Variants in AKT3 observed in about 807,000 individuals in gnomAD.
AKT3 encodes AKT serine/threonine kinase 3.
A neutral mutation model predicts 65.3 loss-of-function variants in AKT3; 15 were observed. The ratio of observed to expected loss-of-function variants is 0.23; its 90% confidence interval spans 0.15 to 0.35. The LOEUF (loss-of-function observed/expected upper bound fraction) is 0.35, where lower values mean the gene tolerates loss of function less well. AKT3 is among the 10% of genes least tolerant of loss of function. The probability of loss-of-function intolerance (pLI) is 1.00; values close to 1 mark genes in which losing one functional copy is unlikely to be tolerated. For synonymous variants in AKT3, 206 were observed against 183.8 expected, an observed-to-expected ratio of 1.12 and a Z score of -0.98; for missense variants, 243 against 576.5, an observed-to-expected ratio of 0.42 and a Z score of 5.92.
At chr1:243,557,339 G>C (rs957741647) in intron 10 of AKT3, among the ~76,000 whole-genome samples, 3 of 152,036 alleles carry the variant, frequency 2.0e-5, no homozygotes, top group African/African-American at 7.2e-5. Flanking sequence ...TCATGGTACA[G>C]AGAATTTAAA....
intron 2 of AKT3, among the ~76,000 whole-genome samples, chr1:243,792,515 A>G (rs1466197056): frequency 4.6e-5 from 7 of 152,182 alleles, no homozygotes. Context: ...CCTGGGGGTC[A>G]GAGGATTCCT....
chr1:243,781,400 C>T (rs1690907603), intron 2 of AKT3, among the ~76,000 whole-genome samples: 1 of 152,094 alleles, frequency 6.6e-6, no homozygotes, highest in African/African-American at 2.4e-5. Flanking sequence ...ACATTTTCCT[C>T]CTCTTTTTAT....
chr1:243,694,203 A>G (rs1392029010), intron 3 of AKT3, among the ~76,000 whole-genome samples: 2 of 152,190 alleles, frequency 1.3e-5, no homozygotes, highest in Non-Finnish European at 2.9e-5. Context: ...TGGATAAACT[A>G]AAAAGCTACA....
intron 2 of AKT3, among the ~76,000 whole-genome samples, chr1:243,715,232 C>T (rs1275538041): frequency 6.6e-6 from 1 of 151,996 alleles, no homozygotes; most frequent in African/African-American, 2.4e-5. Context: ...CCAGAAAGTA[C>T]CACTAATAAT....
rs1669105819 is a variant in AKT3, at chr1:243,500,053, G to T, written c.*5196C>A. 2.1e-6 allele frequency: 1 copy of T among 476,528 alleles called. No homozygotes were observed. The highest frequency in any genetic ancestry group is 3.7e-6 in the Non-Finnish European group (1 of 269,574). 29.5% of individuals were successfully genotyped at this position (476,528 alleles called of 1,614,324 possible). ...TTAAATCTGCTCATTCGTATGCTAG[G>T]TTATACATATGATTTTCAATAAATG... On this transcript the variant is annotated 3_prime_UTR_variant, in exon 14 of 14. Coordinates refer to ENST00000673466, the MANE Select transcript of AKT3 (RefSeq NM_005465.7).
chr1:243,613,708 C>T lies in AKT3; in HGVS notation c.659G>A (p.Arg220His), dbSNP rs200428825. The T allele has an allele frequency of 2.8e-5, 44 of 1,588,364 alleles. No individual in the cohort carries two copies. The highest frequency in any genetic ancestry group is 3.5e-5 in the Non-Finnish European group (41 of 1,166,120). ...AACATATTCCATCACAAAACACAAA[C>T]GGTCTTTTGTCTGGAAGGAATATTT... is the stretch of plus-strand genomic sequence containing the variant. ...SLKYSFQTKD[R>H]LCFVMEYVNG... The change falls in exon 8 of 14, where the codon CGT becomes CAT. Residue 220 changes from arginine (R) to histidine (H), a missense_variant. Physicochemically the swap from Arg to His is conservative, Grantham distance 29 (BLOSUM62 0). Transcript: ENST00000673466.
At chr1:243,843,025 A>C (rs561820474) in intron 2 of AKT3, 100 bp downstream of exon 2, 119 of 1,220,172 alleles carry the variant, frequency 9.8e-5, no homozygotes, top group Admixed American at 4.8e-4. Flanking sequence ...ACATAGCATG[A>C]CACAGTTTAA....
At chr1:243,570,942 C>T (rs1674515295) in intron 9 of AKT3, among the ~76,000 whole-genome samples, 1 of 152,164 alleles carries the variant, frequency 6.6e-6, no homozygotes, top group Non-Finnish European at 1.5e-5. Flanking sequence ...AAAGTAGGTA[C>T]TTTATATTGC....
At chr1:243,680,582 T>G (rs1421621888) in intron 3 of AKT3, among the ~76,000 whole-genome samples, 2 of 152,110 alleles carry the variant, frequency 1.3e-5, no homozygotes, top group Non-Finnish European at 2.9e-5. Context: ...CAAAGTATAA[T>G]AAACGCTTTT....
At chr1:243,789,746 C>T (rs776409976) in intron 2 of AKT3, among the ~76,000 whole-genome samples, 3 of 152,118 alleles carry the variant, frequency 2.0e-5, no homozygotes, top group Non-Finnish European at 4.4e-5. Flanking sequence ...GCAGCCATAC[C>T]CTTAGAAAAT....
At chr1:243,673,037 T>C (rs1395558446) in intron 3 of AKT3, among the ~76,000 whole-genome samples, 1 of 152,216 alleles carries the variant, frequency 6.6e-6, no homozygotes, top group Non-Finnish European at 1.5e-5. Context: ...GAATTAGGCA[T>C]GTTGGTTTTT....
At position 243,819,632 on chromosome 1, in the gene AKT3, G is replaced by A. The variant is rs139371825; in HGVS notation, c.46+23493C>T. On this transcript the variant is annotated intron_variant, in intron 2 of 13. Transcript: ENST00000673466. ...ATCCCCAGCACAGTGCATCCCCTCC[G>A]CCAAGGGACAGCTGGACGATTTCAT... 4.4e-3 allele frequency among the ~76,000 whole-genome samples: 665 copies of A among 152,284 alleles called. 1 individual carries two copies. Among genetic ancestry groups the A allele is most frequent in the African/African-American group, 0.015 (618 of 41,574 alleles).
At chr1:243,827,956 T>C (rs1196363746) in intron 2 of AKT3, among the ~76,000 whole-genome samples, 3 of 152,072 alleles carry the variant, frequency 2.0e-5, no homozygotes, top group African/African-American at 7.2e-5. Context: ...AAGAGAAATA[T>C]CATAATGAAA....
intron 5 of AKT3, among the ~76,000 whole-genome samples, chr1:243,638,809 G>A (rs1446015698): frequency 6.6e-6 from 1 of 150,938 alleles, no homozygotes; most frequent in African/African-American, 2.4e-5. Flanking sequence ...AATTGTTTCA[G>A]TTTCCACCTT....
chr1:243,678,482 CTATTA>C (rs996047708), intron 3 of AKT3, among the ~76,000 whole-genome samples: 6 of 152,100 alleles, frequency 3.9e-5, no homozygotes, highest in African/African-American at 1.4e-4. Context: ...ATTTTGCTTT[CTATTA>C]TATCTTTCTC....
intron 11 of AKT3, among the ~76,000 whole-genome samples, chr1:243,551,575 AAT>A (rs771114885): frequency 3.3e-5 from 5 of 150,094 alleles, no homozygotes; most frequent in Non-Finnish European, 3.0e-5. Flanking sequence ...ATATATATAT[AAT>A]ATATATATAT....
chr1:243,567,501 T>C (rs1240759206), intron 9 of AKT3, among the ~76,000 whole-genome samples: 1 of 148,618 alleles, frequency 6.7e-6, no homozygotes, highest in Non-Finnish European at 1.5e-5. Flanking sequence ...TTTTTTTTTT[T>C]TTTTTTTTTA....
chr1:243,560,139 G>A (rs1673675705), intron 10 of AKT3, among the ~76,000 whole-genome samples: 1 of 152,070 alleles, frequency 6.6e-6, no homozygotes, highest in Non-Finnish European at 1.5e-5. Flanking sequence ...CCTCCCTGCA[G>A]GCTTAAGCAC....
intron 2 of AKT3, among the ~76,000 whole-genome samples, chr1:243,723,399 A>C (rs546077852): frequency 2.6e-5 from 4 of 152,346 alleles, no homozygotes; most frequent in Non-Finnish European, 5.9e-5. Context: ...CTTTGAAGCC[A>C]ATGTAGTCTG....
Sources: gnomAD v4.1 joint callset for allele counts (sites outside exome capture counted in the v4.1 genomes callset) on GRCh38, gnomAD v4.1.1 for gene constraint, MANE v1.5 for transcripts, NCBI Gene and HGNC (gene_info 2026-07-23, HGNC 2026-07-21) for gene names.